The following SLC26A6 variants were observed in gnomAD, a reference collection of about 807,000 sequenced individuals.
The protein encoded by SLC26A6 is solute carrier family 26 member 6.
A neutral mutation model predicts 87.1 loss-of-function variants in SLC26A6; 67 were observed. The observed-to-expected ratio is 0.77, with a 90% CI of 0.63 to 0.94. The LOEUF (loss-of-function observed/expected upper bound fraction) is 0.94. Among genes scored for constraint, SLC26A6 ranks in the 40% least tolerant of loss-of-function variants. SLC26A6 has a pLI of 0.00. For synonymous variants in SLC26A6, 414 were observed against 405.9 expected, an observed-to-expected ratio of 1.02 and a Z score of -0.24; for missense variants, 902 against 973.0, an observed-to-expected ratio of 0.93 and a Z score of 0.97.
In SLC26A6 at chr3:48,630,663, C is replaced by T. The variant is rs866388032; in HGVS notation, c.1192G>A (p.Val398Met). 1.2e-5 allele frequency: 19 copies of T among 1,601,090 alleles called. No homozygotes were observed. The highest frequency in any genetic ancestry group is 5.1e-5 in the Admixed American group (3 of 58,606). The change falls in exon 10 of 21, where the codon GTG (valine) becomes ATG (methionine). Residue 398 changes from valine to methionine, a missense_variant. Val to Met is a conservative substitution (Grantham distance 21). This residue lies in a region of SLC26A6 where 800 missense variants were observed against 856.8 expected (regional missense o/e 0.93). Coordinates refer to ENST00000395550, the MANE Select transcript of SLC26A6 (RefSeq NM_022911.3). ...AGGCTCCGAGACATAGAGCAACTCACGGGGAAGCACTGGAAGATGCCTCCG... is the reference window on the plus strand; with the variant it reads ...AGGCTCCGAGACATAGAGCAACTCATGGGGAAGCACTGGAAGATGCCTCCG... ...LIGGIFQCFP[V>M]SCSMSRSLVQ...
Position 48,629,055 on chromosome 3 carries a change from G to A in SLC26A6, c.1600-341C>T, listed in dbSNP as rs55794658. On this transcript the variant is annotated intron_variant, in intron 14 of 20. Coordinates refer to ENST00000395550, the MANE Select transcript of SLC26A6 (RefSeq NM_022911.3). ...CTGTCATATCAATCAGACCTTCCCC[G>A]CTCCCACCCCATTCGGGTCACAGCC... Among the ~76,000 whole-genome samples the A allele has an allele frequency of 1.1e-3, 174 of 152,194 alleles. 1 individual carries two copies. Among genetic ancestry groups the A allele is most frequent in the Middle Eastern group, 6.8e-3 (2 of 294 alleles).
At chr3:48,629,525 C>T in intron 14 of SLC26A6, 117 bp downstream of exon 14, 3 of 1,181,752 alleles carry the variant, frequency 2.5e-6, no homozygotes, top group East Asian at 2.4e-5. Flanking sequence ...TCCCAAAGAC[C>T]AAAGCCAAAG....
At chr3:48,630,780 C>G (rs2046764684) in intron 9 of SLC26A6, 60 bp from the exon 10 acceptor site, 2 of 1,542,698 alleles carry the variant, frequency 1.3e-6, no homozygotes, top group South Asian at 2.3e-5. Context: ...CACTGTTCCA[C>G]TGTATCTAGG....
chr3:48,632,427 A>T, intron 4 of SLC26A6, 31 bp from the exon 5 acceptor site: 1 of 1,590,444 alleles, frequency 6.3e-7, no homozygotes, highest in Non-Finnish European at 8.6e-7. Flanking sequence ...AGGTCTGAAG[A>T]GGAGAGGACA....
chr3:48,634,660 G>C (rs2046903918), intron 1 of SLC26A6: 1 of 917,822 alleles, frequency 1.1e-6, no homozygotes, highest in Non-Finnish European at 1.3e-6. Flanking sequence ...GCTTTCACCA[G>C]TCAGGAAAGT....
At position 48,628,289 on chromosome 3, in the gene SLC26A6, G is replaced by T; in HGVS notation, c.1800+145C>A. The T allele has an allele frequency of 9.1e-7, 1 of 1,101,764 alleles. No homozygotes were observed. 68.2% of individuals were successfully genotyped at this position (1,101,764 alleles called of 1,614,324 possible). A position where few individuals can be genotyped will look rare whatever the true frequency, so the allele number is the denominator to read the frequency against. On this transcript the variant is annotated intron_variant, in intron 16 of 20. Transcript: ENST00000395550. This position sits in a 1 kb window ranked among gnomAD's most constrained non-coding sequence, Gnocchi z 4.4. ...TGCCTAGAGCCCGGACCTGCTAGGG[G>T]AGTGAAGCAGGGTCCCTGGGAGCAT...
intron 18 of SLC26A6, 88 bp downstream of exon 18, chr3:48,626,788 T>G: frequency 1.2e-6 from 2 of 1,607,418 alleles, no homozygotes; most frequent in Non-Finnish European, 1.7e-6. Flanking sequence ...TTTGAGGGTT[T>G]GGGGAGTCAG....
intron 1 of SLC26A6, 49 bp from the exon 2 acceptor site, chr3:48,633,684 C>A (rs751825959): frequency 1.9e-6 from 3 of 1,600,968 alleles, no homozygotes; most frequent in South Asian, 2.2e-5. Context: ...CCTGGCCCAA[C>A]CTCCCCTACA....
At chr3:48,630,794 G>T in intron 9 of SLC26A6, 74 bp from the exon 10 acceptor site, 1 of 1,514,408 alleles carries the variant, frequency 6.6e-7, no homozygotes, top group Non-Finnish European at 9.0e-7. Context: ...ATCTAGGCCT[G>T]TGCATCCCCA....
At chr3:48,626,379 C>G (rs2046622520) in intron 19 of SLC26A6, 25 bp from the exon 20 acceptor site, 1 of 1,613,688 alleles carries the variant, frequency 6.2e-7, no homozygotes. Flanking sequence ...TAGGCCTCCC[C>G]TGACTCTCAG....
chr3:48,630,168 G>T lies in SLC26A6; in HGVS notation c.1327-11C>A. The T allele has an allele frequency of 1.2e-6, 2 of 1,604,500 alleles. No homozygotes were observed. The highest frequency in any genetic ancestry group is 1.1e-5 in the South Asian group (1 of 90,942). On this transcript the variant is annotated splice_polypyrimidine_tract_variant and intron_variant, in intron 11 of 20. Transcript: ENST00000395550. The stretch of plus-strand genomic sequence containing the variant: ...GGCTGCCAGGACCGCCTGGGGTGGG[G>T]ACAGTGCCACCAGGGGCCATTGAGG...
At chr3:48,630,242 C>T in intron 11 of SLC26A6, 85 bp from the exon 12 acceptor site, 2 of 1,502,332 alleles carry the variant, frequency 1.3e-6, no homozygotes, top group South Asian at 1.2e-5. Context: ...CAGACTAAGC[C>T]CAAGCACTCA....
intron 14 of SLC26A6, 42 bp downstream of exon 14, chr3:48,629,600 G>C (rs116715115): frequency 1.3e-6 from 2 of 1,555,614 alleles, no homozygotes; most frequent in African/African-American, 2.7e-5. Flanking sequence ...TTCTTCCTCC[G>C]TCTCCCCATC....
In SLC26A6 at chr3:48,629,863, C is replaced by G; in HGVS notation, c.1529+9G>C. On this transcript the variant is annotated intron_variant, in intron 13 of 20. Coordinates refer to ENST00000395550, the MANE Select transcript of SLC26A6 (RefSeq NM_022911.3). ...AGCTGGAATGAGGGGACCAACATGG[C>G]GGACTCACATCTGTGTCCGGACCAC... 1 of 1,614,046 alleles carries G rather than the reference C, an allele frequency of 6.2e-7. No homozygotes were observed. The highest frequency in any genetic ancestry group is 1.1e-5 in the South Asian group (1 of 91,060).
intron 18 of SLC26A6, 35 bp from the exon 19 acceptor site, chr3:48,626,720 G>T (rs1404476089): frequency 1.2e-6 from 2 of 1,613,576 alleles, no homozygotes; most frequent in Non-Finnish European, 1.7e-6. Flanking sequence ...TCAGAGGGAG[G>T]CTCAGGGACT....
At chr3:48,633,767 C>A in intron 1 of SLC26A6, 132 bp from the exon 2 acceptor site, 1 of 1,488,624 alleles carries the variant, frequency 6.7e-7, no homozygotes, top group East Asian at 2.3e-5. Flanking sequence ...TATTCCAGCC[C>A]CCAGCTGGCA....
intron 1 of SLC26A6, among the ~76,000 whole-genome samples, chr3:48,635,022 G>A (rs959444109): frequency 1.3e-5 from 2 of 152,356 alleles, no homozygotes; most frequent in Admixed American, 6.5e-5. Flanking sequence ...TCGGGACTCA[G>A]CTGAAAGCAG....
At chr3:48,630,221 C>T (rs1282557239) in intron 11 of SLC26A6, 64 bp from the exon 12 acceptor site, 27 of 1,564,972 alleles carry the variant, frequency 1.7e-5, no homozygotes, top group African/African-American at 6.8e-5. Flanking sequence ...CCCTCCTCAC[C>T]GAGGCAAAGC....
intron 14 of SLC26A6, 149 bp downstream of exon 14, chr3:48,629,493 G>C: frequency 1.2e-6 from 1 of 806,910 alleles, no homozygotes; most frequent in Non-Finnish European, 2.0e-6. Context: ...GGGGGTCATA[G>C]ACCTAAACTC....
Sources: allele counts gnomAD v4.1 joint callset (sites outside exome capture counted in the v4.1 genomes callset), GRCh38; gene constraint gnomAD v4.1.1; regional missense constraint gnomAD v4.1.1; non-coding constraint Gnocchi (gnomAD v3.1); transcripts MANE v1.5; gene names NCBI Gene and HGNC (gene_info 2026-07-23, HGNC 2026-07-21).